The following PELI2 variants were observed in gnomAD, a reference collection of about 807,000 sequenced individuals.
PELI2 encodes the protein pellino E3 ubiquitin protein ligase family member 2, also known as E3 ubiquitin-protein ligase pellino homolog 2.
In PELI2, 23 loss-of-function variants were observed where a neutral mutation model predicts 42.3. That is an observed-to-expected ratio of 0.54 (90% confidence interval 0.39 to 0.77). The LOEUF is 0.77. Ranked by LOEUF, PELI2 falls within the 30% of genes least tolerant of loss-of-function variation. The pLI is 0.00. For missense variants in PELI2, 463 were observed against 553.2 expected (o/e 0.84, Z 1.64); for synonymous variants, 245 against 212.2 (o/e 1.15, Z -1.34).
intron 1 of PELI2, among the ~76,000 whole-genome samples, chr14:56,132,952 T>G (rs1299680549): frequency 1.3e-5 from 2 of 152,194 alleles, no homozygotes; most frequent in African/African-American, 4.8e-5. Flanking sequence ...GATTTTTTTC[T>G]TAAGGCAGGC....
At position 56,299,204 on chromosome 14, in the gene PELI2, CA is replaced by C. The variant is rs1283514697; in HGVS notation, c.*2040del. ...TCCAGAAAGGCCAGATTTTACCTAC[CA>C]AGAAAAAAAGATATTTTTCCAGAGA... On this transcript the variant is annotated 3_prime_UTR_variant, in exon 6 of 6. Transcript: ENST00000267460. 1.3e-5 allele frequency: 2 copies of C among 152,028 alleles called. No individual in the cohort carries two copies. The highest frequency in any genetic ancestry group is 3.9e-4 in the East Asian group (2 of 5,166). 9.4% of individuals were successfully genotyped at this position (152,028 alleles called of 1,614,324 possible).
At chr14:56,136,249 G>A (rs1883685938) in intron 1 of PELI2, among the ~76,000 whole-genome samples, 1 of 152,138 alleles carries the variant, frequency 6.6e-6, no homozygotes, top group Non-Finnish European at 1.5e-5. Context: ...TATTTTCAAG[G>A]GGGTGTGGTG....
At chr14:56,148,392 A>C (rs1884212135) in intron 1 of PELI2, among the ~76,000 whole-genome samples, 1 of 152,126 alleles carries the variant, frequency 6.6e-6, no homozygotes, top group Admixed American at 6.5e-5. Context: ...ATAAAGTGCA[A>C]ATGTTCCATG....
intron 2 of PELI2, among the ~76,000 whole-genome samples, chr14:56,192,596 A>G (rs242399): frequency 0.84 from 127,447 of 152,216 alleles, 53,916 homozygotes; most frequent in African/African-American, 0.96. Context: ...TTAAGCTCTA[A>G]TTAGTATGGA....
intron 2 of PELI2, among the ~76,000 whole-genome samples, chr14:56,211,477 T>C (rs116121841): frequency 0.023 from 3,491 of 152,342 alleles, 131 homozygotes; most frequent in African/African-American, 0.08. Flanking sequence ...TGCACCTCTT[T>C]ATGCAGTATC....
chr14:56,277,871 G>T (rs1029568701), intron 2 of PELI2, among the ~76,000 whole-genome samples: 2 of 152,196 alleles, frequency 1.3e-5, no homozygotes, highest in Non-Finnish European at 2.9e-5. Context: ...CCAGGTTCAG[G>T]TAACCCTTCC....
chr14:56,261,244 G>A (rs1888705524), intron 2 of PELI2, among the ~76,000 whole-genome samples: 1 of 152,158 alleles, frequency 6.6e-6, no homozygotes. Context: ...TGATGCCACA[G>A]ATGACTCAGA....
rs1372085196 is a variant in PELI2 at position 56,296,794 on chromosome 14, C to T, written c.891C>T (p.Asn297=). Residue 297 remains asparagine, a synonymous_variant, in exon 6 of 6, where the codon AAC becomes AAT. Transcript: ENST00000267460. ...GLNTLAFPSI[N]RKEVVEEKQP... ...ACACCCTGGCCTTCCCCAGCATCAACAGGAAAGAGGTGGTGGAGGAGAAGC... is the reference window on the plus strand; with the variant it reads ...ACACCCTGGCCTTCCCCAGCATCAATAGGAAAGAGGTGGTGGAGGAGAAGC... 3.1e-6 allele frequency: 5 copies of T among 1,614,094 alleles called. No homozygotes were observed. Among genetic ancestry groups the T allele is most frequent in the Non-Finnish European group, 8.5e-7 (1 of 1,180,020 alleles).
At chr14:56,240,710 AG>A (rs995313809) in intron 2 of PELI2, among the ~76,000 whole-genome samples, 16 of 152,108 alleles carry the variant, frequency 1.1e-4, no homozygotes, top group African/African-American at 3.9e-4. Context: ...AGAGGGGACT[AG>A]GGGGTAAAGA....
chr14:56,212,305 G>A (rs748125741), intron 2 of PELI2, among the ~76,000 whole-genome samples: 7 of 152,146 alleles, frequency 4.6e-5, no homozygotes, highest in East Asian at 3.9e-4. Context: ...ATACTACTGC[G>A]CTGTGTTTTA....
At chr14:56,172,790 G>A (rs1885226601) in intron 1 of PELI2, among the ~76,000 whole-genome samples, 1 of 152,142 alleles carries the variant, frequency 6.6e-6, no homozygotes, top group African/African-American at 2.4e-5. Flanking sequence ...TTTTGAAGAT[G>A]GGTGAGATCA....
In PELI2 at chr14:56,203,202, C is replaced by A. The variant is rs183318092; in HGVS notation, c.207+24738C>A. Among the ~76,000 whole-genome samples the A allele has an allele frequency of 3.2e-4, 48 of 152,122 alleles. 2 individuals are homozygous for A. The East Asian group carries it at 8.9e-3, about 28-fold the overall frequency. On this transcript the variant is annotated intron_variant, in intron 2 of 5. Coordinates refer to ENST00000267460, the MANE Select transcript of PELI2 (RefSeq NM_021255.3). ...AAATACAAAAATTAGCCAGGCATCA[C>A]AGTGGCACATGCCAGTAATCCCAGC...
intron 1 of PELI2, among the ~76,000 whole-genome samples, chr14:56,146,649 T>C (rs7148201): frequency 0.022 from 3,351 of 152,324 alleles, 115 homozygotes; most frequent in African/African-American, 0.076. Flanking sequence ...TGGGTGGTTC[T>C]GTACTATTGG....
chr14:56,251,442 C>T (rs556136074), intron 2 of PELI2, among the ~76,000 whole-genome samples: 4 of 152,316 alleles, frequency 2.6e-5, no homozygotes, highest in Admixed American at 6.5e-5. Context: ...TTCTAGTACG[C>T]GAAGCTTAAA....
At chr14:56,165,881 T>C (rs551192090) in intron 1 of PELI2, among the ~76,000 whole-genome samples, 14 of 152,326 alleles carry the variant, frequency 9.2e-5, no homozygotes, top group African/African-American at 3.4e-4. Flanking sequence ...TCTATCCCTT[T>C]ATTTTCAGTC....
chr14:56,271,871 C>T (rs538158690), intron 2 of PELI2, among the ~76,000 whole-genome samples: 11 of 152,282 alleles, frequency 7.2e-5, no homozygotes, highest in Admixed American at 2.0e-4. Context: ...GATGCATGCT[C>T]ATCCCAGAGC....
chr14:56,119,649 C>G (rs1339377170), intron 1 of PELI2: 1 of 393,776 alleles, frequency 2.5e-6, no homozygotes, highest in African/African-American at 2.2e-5. Flanking sequence ...CTTAATAAGC[C>G]AGGAGAGAGG....
intron 2 of PELI2, among the ~76,000 whole-genome samples, chr14:56,207,783 AG>A (rs929034536): frequency 6.6e-6 from 1 of 152,194 alleles, no homozygotes; most frequent in African/African-American, 2.4e-5. Flanking sequence ...CAGAAGGTAA[AG>A]AGTGCCTGCA....
chr14:56,154,859 C>T (rs1157962915), intron 1 of PELI2, among the ~76,000 whole-genome samples: 1 of 152,168 alleles, frequency 6.6e-6, no homozygotes, highest in Non-Finnish European at 1.5e-5. Flanking sequence ...AGAGATTGTA[C>T]TAAGTAACAT....
Sources: allele counts gnomAD v4.1 joint callset (sites outside exome capture counted in the v4.1 genomes callset), GRCh38; gene constraint gnomAD v4.1.1; transcripts MANE v1.5; gene names NCBI Gene and HGNC (gene_info 2026-07-23, HGNC 2026-07-21).